Variants in MME observed in about 807,000 individuals in gnomAD.
The protein encoded by MME is membrane metalloendopeptidase.
In MME, 98 loss-of-function variants were observed where a neutral mutation model predicts 113.2. The observed-to-expected ratio is 0.87, with a 90% CI of 0.74 to 1.02. The LOEUF is 1.02. Among genes scored for constraint, MME ranks in the 50% least tolerant of loss-of-function variants. The probability of loss-of-function intolerance (pLI) is 0.00; values close to 1 mark genes in which losing one functional copy is unlikely to be tolerated. For missense variants in MME, 836 were observed against 896.0 expected (o/e 0.93, Z 0.86); for synonymous variants, 292 against 300.6 (o/e 0.97, Z 0.30).
At chr3:155,172,395 C>A in intron 21 of MME, 141 bp from the exon 22 acceptor site, 1 of 824,038 alleles carries the variant, frequency 1.2e-6, no homozygotes, top group Non-Finnish European at 2.1e-6. Context: ...GGTTGCCTTT[C>A]ATTGAACATT....
upstream of MME, among the ~76,000 whole-genome samples, chr3:155,075,505 T>C (rs1714716516): frequency 6.6e-6 from 1 of 152,206 alleles, no homozygotes; most frequent in African/African-American, 2.4e-5. Context: ...TATTTTTCTG[T>C]CCTCCTTTAG....
chr3:155,054,378 T>C (rs184030377), intron 1 of MME, among the ~76,000 whole-genome samples: 1 of 152,194 alleles, frequency 6.6e-6, no homozygotes, highest in African/African-American at 2.4e-5. Context: ...CTGAGAGGAA[T>C]TTTTTATTCT....
At chr3:155,083,867 A>G in intron 1 of MME, 1 of 364,960 alleles carries the variant, frequency 2.7e-6, no homozygotes, top group Non-Finnish European at 5.2e-6. Flanking sequence ...CTACTTGAGT[A>G]TTTAACCAAG....
chr3:155,136,562 C>T (rs1264535379), intron 8 of MME, among the ~76,000 whole-genome samples: 2 of 152,164 alleles, frequency 1.3e-5, no homozygotes, highest in Admixed American at 6.6e-5. Context: ...GAACTGTTTA[C>T]TTAGCATTTA....
At chr3:155,084,551 C>T (rs539366201) in intron 2 of MME, among the ~76,000 whole-genome samples, 68 of 152,254 alleles carry the variant, frequency 4.5e-4, no homozygotes, top group African/African-American at 8.2e-4. Context: ...ATATTTAGTG[C>T]GCTCACGCTT....
At chr3:155,124,674 T>G (rs1719447965) in intron 8 of MME, among the ~76,000 whole-genome samples, 3 of 151,554 alleles carry the variant, frequency 2.0e-5, no homozygotes, top group Admixed American at 6.6e-5. Flanking sequence ...TGGAATACCC[T>G]GCCGTGTGAG....
intron 3 of MME, among the ~76,000 whole-genome samples, chr3:155,093,647 G>C (rs1423753274): frequency 2.0e-5 from 3 of 152,094 alleles, no homozygotes; most frequent in African/African-American, 2.4e-5. Flanking sequence ...CACGAGGTCA[G>C]GAGTTCAAGA....
chr3:155,057,863 C>G (rs1186649283), intron 1 of MME, among the ~76,000 whole-genome samples: 1 of 152,122 alleles, frequency 6.6e-6, no homozygotes, highest in Non-Finnish European at 1.5e-5. Context: ...TTTTGCCTCT[C>G]TTTCCCTGTC....
At chr3:155,134,906 C>T (rs1720501612) in intron 8 of MME, among the ~76,000 whole-genome samples, 1 of 152,080 alleles carries the variant, frequency 6.6e-6, no homozygotes, top group African/African-American at 2.4e-5. Context: ...AATGTTGTCT[C>T]GTACATTTGT....
Position 155,183,477 on chromosome 3 carries a change from G to A in MME, c.*3018G>A, listed in dbSNP as rs201664949. The A allele has an allele frequency of 1.3e-5, 2 of 152,160 alleles. No individual in the cohort carries two copies. Among genetic ancestry groups the A allele is most frequent in the Admixed American group, 6.5e-5 (1 of 15,274 alleles). 9.4% of individuals were successfully genotyped at this position (152,160 alleles called of 1,614,324 possible). A position where few individuals can be genotyped will look rare whatever the true frequency, so the allele number is the denominator to read the frequency against. On this transcript the variant is annotated 3_prime_UTR_variant, in exon 23 of 23. Coordinates refer to ENST00000360490, the MANE Select transcript of MME (RefSeq NM_007289.4). Reference sequence around the variant, plus strand: ...ATAACAAGTACCAAAGTTTTATCAAGTTTGGGTCTGTGCTGCTGTTACTGT... The same window carrying A: ...ATAACAAGTACCAAAGTTTTATCAAATTTGGGTCTGTGCTGCTGTTACTGT...
At chr3:155,048,140 A>G (rs1364307052) in intron 1 of MME, among the ~76,000 whole-genome samples, 1 of 152,176 alleles carries the variant, frequency 6.6e-6, no homozygotes, top group Non-Finnish European at 1.5e-5. Context: ...TTGTACATGC[A>G]TAGATAGGAG....
chr3:155,082,221 A>G (rs1715213612), intron 1 of MME, among the ~76,000 whole-genome samples: 1 of 152,182 alleles, frequency 6.6e-6, no homozygotes, highest in Non-Finnish European at 1.5e-5. Context: ...TTTACTTTAC[A>G]GGGACACTGA....
intron 1 of MME, among the ~76,000 whole-genome samples, chr3:155,065,927 A>G (rs1012316629): frequency 3.3e-5 from 5 of 152,226 alleles, no homozygotes; most frequent in African/African-American, 9.6e-5. Context: ...CAGTGGAGCT[A>G]CTTCTCACAT....
intron 3 of MME, among the ~76,000 whole-genome samples, chr3:155,109,341 G>C (rs1559922978): frequency 6.6e-6 from 1 of 152,140 alleles, no homozygotes; most frequent in South Asian, 2.1e-4. Context: ...GCGGGAACTG[G>C]ATCATGGGTG....
intron 20 of MME, among the ~76,000 whole-genome samples, chr3:155,171,012 T>C (rs1711878191): frequency 6.6e-6 from 1 of 152,168 alleles, no homozygotes; most frequent in African/African-American, 2.4e-5. Context: ...CATTCCATCT[T>C]GGCTGAAAGT....
chr3:155,119,388 C>T (rs1347924591), intron 8 of MME, among the ~76,000 whole-genome samples: 1 of 148,078 alleles, frequency 6.8e-6, no homozygotes, highest in Admixed American at 6.8e-5. Context: ...CCTTGCCTCC[C>T]TTGGGCTGAT....
At chr3:155,177,336 C>T (rs1304917667) in intron 22 of MME, among the ~76,000 whole-genome samples, 2 of 152,188 alleles carry the variant, frequency 1.3e-5, no homozygotes, top group Non-Finnish European at 2.9e-5. Flanking sequence ...GACAGGATGA[C>T]TGTCTTTAGC....
chr3:155,056,362 T>C, intron 1 of MME, among the ~76,000 whole-genome samples: 1 of 141,474 alleles, frequency 7.1e-6, no homozygotes, highest in African/African-American at 2.6e-5. Context: ...CAGAGTGTGA[T>C]GTTCCCCTTC....
At chr3:155,167,458 T>G (rs1385476426) in intron 18 of MME, among the ~76,000 whole-genome samples, 1 of 152,044 alleles carries the variant, frequency 6.6e-6, no homozygotes, top group Non-Finnish European at 1.5e-5. Context: ...TTTTTTCGTC[T>G]TGTACCTACT....
Sources: gnomAD v4.1 joint callset for allele counts (sites outside exome capture counted in the v4.1 genomes callset) on GRCh38, gnomAD v4.1.1 for gene constraint, MANE v1.5 for transcripts, NCBI Gene and HGNC (gene_info 2026-07-23, HGNC 2026-07-21) for gene names.